PTGFRN: variants seen among roughly 807,000 people sequenced by gnomAD.
PTGFRN encodes prostaglandin F2 receptor negative regulator.
In PTGFRN, 35 loss-of-function variants were observed where a neutral mutation model predicts 83.2. The ratio of observed to expected loss-of-function variants is 0.42; its 90% CI spans 0.32 to 0.56. The LOEUF is 0.56. Among genes scored for constraint, PTGFRN ranks in the 20% least tolerant of loss-of-function variants. The pLI is 0.11. For synonymous variants in PTGFRN, 519 were observed against 498.6 expected (o/e 1.04, Z -0.55); for missense variants, 1,051 against 1,179.5 (o/e 0.89, Z 1.60).
intron 5 of PTGFRN, among the ~76,000 whole-genome samples, chr1:116,965,643 G>A (rs1276800638): frequency 1.3e-5 from 2 of 152,008 alleles, no homozygotes; most frequent in East Asian, 1.9e-4. Context: ...CTCTATTTAC[G>A]GTTGTGGCAC....
chr1:116,915,160 G>A (rs140701165), intron 1 of PTGFRN, among the ~76,000 whole-genome samples: 4 of 152,202 alleles, frequency 2.6e-5, no homozygotes, highest in African/African-American at 4.8e-5. Flanking sequence ...CTTATGCTGC[G>A]TATTGCTTGA....
chr1:116,920,801 T>A lies in PTGFRN; in HGVS notation c.49+10549T>A, dbSNP rs553704566. Among the ~76,000 whole-genome samples the A allele has an allele frequency of 3.0e-4, 46 of 152,108 alleles. 1 individual carries two copies. The highest frequency in any genetic ancestry group is 6.0e-4 in the Non-Finnish European group (41 of 68,002). ...ACTACACCGGGCTAATTTTTGTATT[T>A]CTAGTAGAGACGGGGCTTCACCATG... On this transcript the variant is annotated intron_variant, in intron 1 of 8. Transcript: ENST00000393203.
intron 4 of PTGFRN, among the ~76,000 whole-genome samples, chr1:116,954,476 G>A (rs1650432563): frequency 6.6e-6 from 1 of 152,234 alleles, no homozygotes; most frequent in African/African-American, 2.4e-5. Context: ...CACAGGCTGA[G>A]TACTCCTTCT....
rs377067802 is a variant in PTGFRN at position 116,944,784 on chromosome 1, C to T, written c.524C>T (p.Ser175Leu). The change falls in exon 3 of 9, where the codon TCG becomes TTG. Residue 175 changes from serine to leucine, a missense_variant. This residue lies in a region of PTGFRN where 205 missense variants were observed against 174.5 expected (regional missense o/e 1.17). Transcript: ENST00000393203. ...CTGCGCTGCACCGCCGCCTCCGCCT[C>T]GCCGCTGCACACGCACCTGGCGCTG... ...FELRCTAASASPLHTHLALLW... is the reference protein window; with the variant it reads ...FELRCTAASALPLHTHLALLW... 1.8e-4 allele frequency: 283 copies of T among 1,560,392 alleles called. 4 individuals carry two copies. In the South Asian group the frequency reaches 3.0e-3, roughly 17 times the overall value.
In PTGFRN at chr1:116,967,132, G is replaced by A. The variant is rs752916329; in HGVS notation, c.1861G>A (p.Asp621Asn). 22 of 1,614,098 alleles carry A rather than the reference G, an allele frequency of 1.4e-5. No individual in the cohort carries two copies. The highest frequency in any genetic ancestry group is 1.9e-5 in the Non-Finnish European group (22 of 1,180,048). Residue 621 changes from aspartate to asparagine, a missense_variant, in exon 6 of 9, where the codon GAT becomes AAT. By Grantham distance (23) the Asp-to-Asn change is conservative. Coordinates refer to ENST00000393203, the MANE Select transcript of PTGFRN (RefSeq NM_020440.4). Reference sequence around the variant, plus strand: ...TGTGGTGAAGCTGGAGAATTGGACAGATGCATCACGGGTGGATGGCGTTGT... The same window carrying A: ...TGTGGTGAAGCTGGAGAATTGGACAAATGCATCACGGGTGGATGGCGTTGT... ...DSVVKLENWT[D>N]ASRVDGVVLE... is the part of the protein sequence containing the mutation.
chr1:116,931,146 T>C (rs900849489), intron 1 of PTGFRN, among the ~76,000 whole-genome samples: 9 of 152,202 alleles, frequency 5.9e-5, no homozygotes, highest in Non-Finnish European at 1.2e-4. Context: ...TGCTCAGAGG[T>C]CATGCTCGGA....
At position 116,967,075 on chromosome 1, in the gene PTGFRN, A is replaced by G. The variant is rs1274846895; in HGVS notation, c.1804A>G (p.Thr602Ala). ...PVGDLSSPNE[T>A]KYIISLDQDS... ...CGGCGACCTCTCCAGTCCCAATGAA[A>G]CGAAGTACATCATCTCTCTGGACCA... The change falls in exon 6 of 9, where the codon ACG (threonine) becomes GCG (alanine). Residue 602 changes from threonine (T) to alanine (A), a missense_variant. Physicochemically the swap from Thr to Ala is moderately conservative, Grantham distance 58 (BLOSUM62 0). This residue lies in a region of PTGFRN where 719 missense variants were observed against 836.6 expected (regional missense o/e 0.86). Coordinates refer to ENST00000393203, the MANE Select transcript of PTGFRN (RefSeq NM_020440.4). 1 of 1,614,100 alleles carries G rather than the reference A, an allele frequency of 6.2e-7. No homozygotes were observed. The highest frequency in any genetic ancestry group is 1.7e-5 in the Admixed American group (1 of 60,006).
At position 116,930,826 on chromosome 1, in the gene PTGFRN, G is replaced by A. The variant is rs189734968; in HGVS notation, c.50-10889G>A. 5.1e-4 allele frequency among the ~76,000 whole-genome samples: 78 copies of A among 152,116 alleles called. 2 individuals are homozygous for A. The highest frequency in any genetic ancestry group is 4.6e-3 in the Admixed American group (71 of 15,274). ...TCACCACTACCTGCCTGTGTCCCCC[G>A]TGGCCCCTTTAGGTCTTTGCTTATG... On this transcript the variant is annotated intron_variant, in intron 1 of 8. Transcript: ENST00000393203.
chr1:116,912,503 G>A lies in PTGFRN; in HGVS notation c.49+2251G>A, dbSNP rs894791607. 1.1e-4 allele frequency among the ~76,000 whole-genome samples: 16 copies of A among 152,098 alleles called. 1 individual carries two copies. The highest frequency in any genetic ancestry group is 5.9e-4 in the Admixed American group (9 of 15,278). On this transcript the variant is annotated intron_variant, in intron 1 of 8. Coordinates refer to ENST00000393203, the MANE Select transcript of PTGFRN (RefSeq NM_020440.4). The stretch of plus-strand genomic sequence containing the variant: ...TCTTTTTGACCTCCATATTCACGTA[G>A]TCTCTCAATTCTTGGCTCTCCCCGT...
chr1:116,949,655 C>T, intron 4 of PTGFRN, 83 bp downstream of exon 4: 2 of 1,508,102 alleles, frequency 1.3e-6, no homozygotes, highest in Non-Finnish European at 1.8e-6. Flanking sequence ...TCAGGAGGCT[C>T]TGCGCTTTGC....
intron 1 of PTGFRN, among the ~76,000 whole-genome samples, chr1:116,930,743 G>C (rs1455721879): frequency 1.3e-5 from 2 of 151,914 alleles, no homozygotes; most frequent in African/African-American, 2.4e-5. Flanking sequence ...AATGATCTCT[G>C]GGCCTCCATG....
chr1:116,950,453 G>A (rs527592150), intron 4 of PTGFRN, among the ~76,000 whole-genome samples: 4 of 152,250 alleles, frequency 2.6e-5, no homozygotes, highest in South Asian at 2.1e-4. Flanking sequence ...TCTACTGTCC[G>A]TGAGTGCCTG....
At chr1:116,945,173 C>T in intron 3 of PTGFRN, 81 bp downstream of exon 3, 1 of 1,494,326 alleles carries the variant, frequency 6.7e-7, no homozygotes, top group Non-Finnish European at 8.9e-7. Context: ...CAGGGAGCCC[C>T]ATGGCCTTCT....
intron 1 of PTGFRN, among the ~76,000 whole-genome samples, chr1:116,938,969 G>A (rs770549526): frequency 9.2e-5 from 14 of 152,198 alleles, no homozygotes; most frequent in African/African-American, 2.9e-4. Context: ...AATGATCTCC[G>A]TTGACTCCAC....
intron 6 of PTGFRN, among the ~76,000 whole-genome samples, chr1:116,972,080 A>G (rs1292849863): frequency 2.0e-5 from 3 of 152,200 alleles, no homozygotes. Context: ...AAGTGTCCCC[A>G]GTCACCACAC....
At chr1:116,933,970 A>G (rs1570651475) in intron 1 of PTGFRN, among the ~76,000 whole-genome samples, 1 of 152,200 alleles carries the variant, frequency 6.6e-6, no homozygotes, top group East Asian at 1.9e-4. Context: ...TTCAAAAATT[A>G]TGCCTAATTC....
chr1:116,930,814 C>T (rs1416683023), intron 1 of PTGFRN, among the ~76,000 whole-genome samples: 1 of 148,966 alleles, frequency 6.7e-6, no homozygotes, highest in African/African-American at 2.6e-5. Context: ...CCACTACCTG[C>T]CTGTGTCCCC....
At chr1:116,916,827 GT>G (rs1004452213) in intron 1 of PTGFRN, among the ~76,000 whole-genome samples, 2 of 152,138 alleles carry the variant, frequency 1.3e-5, no homozygotes, top group African/African-American at 4.8e-5. Flanking sequence ...GCCGGGCATT[GT>G]TCTGAGGATT....
At chr1:116,946,208 G>A (rs1382179193) in intron 3 of PTGFRN, among the ~76,000 whole-genome samples, 1 of 152,164 alleles carries the variant, frequency 6.6e-6, no homozygotes, top group African/African-American at 2.4e-5. Flanking sequence ...ACAACACGCA[G>A]GGGGAATATT....
Sources: allele counts gnomAD v4.1 joint callset (sites outside exome capture counted in the v4.1 genomes callset), GRCh38; gene constraint gnomAD v4.1.1; regional missense constraint gnomAD v4.1.1; transcripts MANE v1.5; gene names NCBI Gene and HGNC (gene_info 2026-07-23, HGNC 2026-07-21).